KCTD18: variants seen among roughly 807,000 people sequenced by gnomAD.
The protein encoded by KCTD18 is BTB/POZ domain-containing protein KCTD18.
KCTD18 carries 22 observed loss-of-function variants against 30.4 expected under a neutral mutation model. The observed-to-expected ratio is 0.72, with a 90% confidence interval of 0.52 to 1.03. The LOEUF (loss-of-function observed/expected upper bound fraction) is 1.03, where lower values mean the gene tolerates loss of function less well. Among genes scored for constraint, KCTD18 ranks in the 50% least tolerant of loss-of-function variants. The pLI is 0.00. For synonymous variants in KCTD18, 186 were observed against 209.0 expected (o/e 0.89, Z 0.95); for missense variants, 529 against 547.6 (o/e 0.97, Z 0.34).
At chr2:200,492,429 A>G (rs949177880) in intron 6 of KCTD18, among the ~76,000 whole-genome samples, 2 of 152,240 alleles carry the variant, frequency 1.3e-5, no homozygotes, top group Admixed American at 6.5e-5. Context: ...AAAATAAATG[A>G]TAATAAAATT....
Position 200,490,601 on chromosome 2 carries a change from G to T in KCTD18, c.780C>A (p.Phe260Leu). 1 of 1,588,642 alleles carries T rather than the reference G, an allele frequency of 6.3e-7. No homozygotes were observed. Among genetic ancestry groups the T allele is most frequent in the South Asian group, 1.1e-5 (1 of 90,262 alleles). ...AGTTCACACTTTCGTCCGCTTCATTGAACGTTATCAGTCGCCTAGAAATAC... is the reference window on the plus strand; with the variant it reads ...AGTTCACACTTTCGTCCGCTTCATTTAACGTTATCAGTCGCCTAGAAATAC... Reference protein sequence around the residue: ...APIRKRRLITFNEADESVNYK... With the variant: ...APIRKRRLITLNEADESVNYK... The change falls in exon 7 of 7, where the codon TTC becomes TTA. Residue 260 changes from phenylalanine to leucine, a missense_variant. Coordinates refer to ENST00000359878, the MANE Select transcript of KCTD18 (RefSeq NM_152387.4).
intron 4 of KCTD18, among the ~76,000 whole-genome samples, chr2:200,498,655 G>A (rs548873154): frequency 6.6e-6 from 1 of 152,230 alleles, no homozygotes; most frequent in South Asian, 2.1e-4. Context: ...ACTCCCAGTT[G>A]AGAACCACTG....
At chr2:200,492,264 A>G (rs73042293) in intron 6 of KCTD18, among the ~76,000 whole-genome samples, 3,485 of 152,168 alleles carry the variant, frequency 0.023, 132 homozygotes, top group African/African-American at 0.08. Flanking sequence ...CTTGGCCTCT[A>G]CCTTCTAAAT....
Position 200,506,976 on chromosome 2 carries a change from A to G in KCTD18, c.41T>C (p.Leu14Pro). The G allele has an allele frequency of 1.2e-6, 2 of 1,613,898 alleles. No homozygotes were observed. The highest frequency in any genetic ancestry group is 1.7e-6 in the Non-Finnish European group (2 of 1,179,876). Residue 14 changes from leucine (L) to proline (P), a missense_variant, in exon 2 of 7, where the codon CTC becomes CCC. Physicochemically the swap from Leu to Pro is moderately conservative, Grantham distance 98. Coordinates refer to ENST00000359878, the MANE Select transcript of KCTD18 (RefSeq NM_152387.4). ...AATACAGCCACCCACGTTCAGTCGG[A>G]GAACATCTAGCACCTCTTCTTCTGC... ...HKAEEEVLDV[L>P]RLNVGGCIYT...
At chr2:200,499,794 C>A (rs1005477910) in intron 3 of KCTD18, among the ~76,000 whole-genome samples, 28 of 150,850 alleles carry the variant, frequency 1.9e-4, no homozygotes, top group African/African-American at 6.8e-4. Flanking sequence ...CCAGTATCAT[C>A]CTGATACCAA....
Position 200,497,836 on chromosome 2 carries a change from T to C in KCTD18, c.578A>G (p.Asn193Ser). The C allele has an allele frequency of 6.2e-7, 1 of 1,609,188 alleles. No homozygotes were observed. The highest frequency in any genetic ancestry group is 8.5e-7 in the Non-Finnish European group (1 of 1,176,470). ...SKGIFKREAG[N>S]NVQYIWSYYS... The stretch of plus-strand genomic sequence containing the variant: ...ATAGCTCCAAATGTACTGAACATTA[T>C]TTCCCGCCTCTCTAGAAATATTGCA... The change falls in exon 5 of 7, where the codon AAT (asparagine) becomes AGT (serine). Residue 193 changes from asparagine (N) to serine (S), a missense_variant. Asn to Ser is a conservative substitution (Grantham distance 46). Coordinates refer to ENST00000359878, the MANE Select transcript of KCTD18 (RefSeq NM_152387.4).
chr2:200,503,121 T>C (rs961201944), intron 3 of KCTD18, among the ~76,000 whole-genome samples: 1 of 151,930 alleles, frequency 6.6e-6, no homozygotes, highest in African/African-American at 2.4e-5. Context: ...CCAGTGAAGC[T>C]GCCAGGGCCT....
rs765713377 is a variant in KCTD18, at chr2:200,506,896, TAGATG to T, written c.116_120del (p.Ala39AspfsTer12). 6.2e-7 allele frequency: 1 copy of T among 1,613,962 alleles called. No homozygotes were observed. Among genetic ancestry groups the T allele is most frequent in the Non-Finnish European group, 8.5e-7 (1 of 1,179,990 alleles). ...TTTAGAGGAAAGCGACCACTGAACATAGATGCCAACATGGAGTCCTTGAAGCGGCA... is the reference window on the plus strand; with the variant it reads ...TTTAGAGGAAAGCGACCACTGAACATCCAACATGGAGTCCTTGAAGCGGCA... On this transcript the variant is annotated frameshift_variant, in exon 2 of 7. Coordinates refer to ENST00000359878, the MANE Select transcript of KCTD18 (RefSeq NM_152387.4). LOFTEE classifies it high-confidence loss of function.
chr2:200,506,916 T>C lies in KCTD18; in HGVS notation c.101A>G (p.Lys34Arg). The C allele has an allele frequency of 6.2e-7, 1 of 1,613,974 alleles. No homozygotes were observed. The highest frequency in any genetic ancestry group is 8.5e-7 in the Non-Finnish European group (1 of 1,179,960). ...GAACATAGATGCCAACATGGAGTCC[T>C]TGAAGCGGCACAAGGACTCCCGCCG... ...TARRESLCRF[K>R]DSMLASMFSG... Residue 34 changes from lysine (K) to arginine (R), a missense_variant, in exon 2 of 7, where the codon AAG becomes AGG. Coordinates refer to ENST00000359878, the MANE Select transcript of KCTD18 (RefSeq NM_152387.4).
At chr2:200,504,654 T>C in intron 3 of KCTD18, 94 bp downstream of exon 3, 1 of 891,858 alleles carries the variant, frequency 1.1e-6, no homozygotes, top group Non-Finnish European at 1.7e-6. Context: ...CTATCTTGTT[T>C]GGTTAATGTG....
At position 200,502,891 on chromosome 2, in the gene KCTD18, G is replaced by A. The variant is rs943483905; in HGVS notation, c.372+1857C>T. 2.0e-5 allele frequency among the ~76,000 whole-genome samples: 3 copies of A among 152,130 alleles called. No homozygotes were observed. The East Asian group carries it at 5.8e-4, about 29-fold the overall frequency. Reference sequence around the variant, plus strand: ...ACTAAAAATACAAAATTAGCTGGGCGTGGTGGCACATGCCTGTAATCCCAG... The same window carrying A: ...ACTAAAAATACAAAATTAGCTGGGCATGGTGGCACATGCCTGTAATCCCAG... On this transcript the variant is annotated intron_variant, in intron 3 of 6. Transcript: ENST00000359878.
Position 200,503,549 on chromosome 2 carries a change from T to A in KCTD18, c.372+1199A>T, listed in dbSNP as rs535100602. On this transcript the variant is annotated intron_variant, in intron 3 of 6. Coordinates refer to ENST00000359878, the MANE Select transcript of KCTD18 (RefSeq NM_152387.4). ...AACCAGGAATAAAAGATTACAGAGC[T>A]GAGACTTCTGAAGATGAGCATTAAC... 7.9e-5 allele frequency among the ~76,000 whole-genome samples: 12 copies of A among 152,326 alleles called. No individual in the cohort carries two copies. The East Asian group carries it at 2.3e-3, about 29-fold the overall frequency.
In KCTD18 at chr2:200,490,335, G is replaced by A; in HGVS notation, c.1046C>T (p.Ala349Val). 1 of 1,614,234 alleles carries A rather than the reference G, an allele frequency of 6.2e-7. No homozygotes were observed. The highest frequency in any genetic ancestry group is 1.1e-5 in the South Asian group (1 of 91,086). The change falls in exon 7 of 7, where the codon GCT (alanine) becomes GTT (valine). Residue 349 changes from alanine to valine, a missense_variant. Physicochemically the swap from Ala to Val is moderately conservative, Grantham distance 64 (BLOSUM62 0). Coordinates refer to ENST00000359878, the MANE Select transcript of KCTD18 (RefSeq NM_152387.4). The part of the protein sequence containing the change: ...APGHPQASPG[A>V]ASAENGGTHL... ...CGTGCCTCCATTTTCAGCGCTCGCA[G>A]CCCCAGGGGAAGCCTGAGGATGCCC...
In KCTD18 at chr2:200,498,999, G is replaced by C. The variant is rs1409118637; in HGVS notation, c.458C>G (p.Ala153Gly). Residue 153 changes from alanine (A) to glycine (G), a missense_variant, in exon 4 of 7, where the codon GCA becomes GGA. Ala to Gly is a moderately conservative substitution (Grantham distance 60). Coordinates refer to ENST00000359878, the MANE Select transcript of KCTD18 (RefSeq NM_152387.4). ...WVLHYLNTSG[A>G]SCESRIIGVY... ...ACCAATAATTCTACTCTCACAGCTT[G>C]CACCAGATGTGTTAAGATAGTGGAG... 9 of 1,613,992 alleles carry C rather than the reference G, an allele frequency of 5.6e-6. No homozygotes were observed. The highest frequency in any genetic ancestry group is 1.7e-5 in the Admixed American group (1 of 60,010).
chr2:200,492,953 T>C (rs2087942654), intron 6 of KCTD18, among the ~76,000 whole-genome samples: 1 of 152,192 alleles, frequency 6.6e-6, no homozygotes, highest in African/African-American at 2.4e-5. Flanking sequence ...TAAGAACATG[T>C]TACACATGCA....
chr2:200,508,602 GAAC>G (rs35107068), intron 1 of KCTD18, among the ~76,000 whole-genome samples: 31,759 of 152,080 alleles, frequency 0.21, 3,413 homozygotes, highest in South Asian at 0.32. Flanking sequence ...TTTACTCAGT[GAAC>G]AACTAAGATC....
At chr2:200,507,508 A>T (rs192904386) in intron 1 of KCTD18, among the ~76,000 whole-genome samples, 1 of 152,336 alleles carries the variant, frequency 6.6e-6, no homozygotes, top group East Asian at 1.9e-4. Flanking sequence ...CAGCTCTAGG[A>T]TCTTGGGCAA....
chr2:200,494,053 A>C (rs928812039), intron 5 of KCTD18, among the ~76,000 whole-genome samples: 1 of 152,260 alleles, frequency 6.6e-6, no homozygotes, highest in Non-Finnish European at 1.5e-5. Flanking sequence ...TTAAGAGCTG[A>C]AAAATGTATT....
intron 5 of KCTD18, chr2:200,496,439 GGAA>G (rs1559182811): frequency 6.6e-6 from 1 of 152,502 alleles, no homozygotes; most frequent in African/African-American, 2.4e-5. Flanking sequence ...GTTGAGGAAA[GGAA>G]GAAGGACTGG....
Sources: allele counts gnomAD v4.1 joint callset (sites outside exome capture counted in the v4.1 genomes callset), GRCh38; gene constraint gnomAD v4.1.1; transcripts MANE v1.5; gene names NCBI Gene and HGNC (gene_info 2026-07-23, HGNC 2026-07-21).